The following RARA variants were observed in gnomAD, a reference collection of about 807,000 sequenced individuals.
RARA encodes the protein PML-DDX5-RARA fusion.
Under a neutral mutation model 42.8 loss-of-function variants are expected in RARA, and 5 were observed. The observed-to-expected ratio is 0.12, with a 90% confidence interval of 0.06 to 0.25. RARA has a LOEUF of 0.25. Ranked by LOEUF, RARA falls within the 10% of genes least tolerant of loss-of-function variation. The pLI, the probability that RARA is intolerant of heterozygous loss-of-function variation, is 1.00. For missense variants in RARA, 402 were observed against 628.7 expected (o/e 0.64, Z 3.86); for synonymous variants, 256 against 259.5 (o/e 0.99, Z 0.13).
At chr17:40,348,244 AG>A in intron 2 of RARA, 71 bp from the exon 3 acceptor site, 1 of 1,462,986 alleles carries the variant, frequency 6.8e-7, no homozygotes, top group Non-Finnish European at 9.1e-7. Flanking sequence ...AGGGACGGTG[AG>A]GCAGGGTGGA....
chr17:40,312,982 T>G (rs1411064788), intron 1 of RARA, among the ~76,000 whole-genome samples: 3 of 152,248 alleles, frequency 2.0e-5, no homozygotes, highest in Admixed American at 6.5e-5. Flanking sequence ...TTTTCCCATC[T>G]GCTTTTTTGT....
At chr17:40,347,347 T>C (rs1314028614) in intron 2 of RARA, among the ~76,000 whole-genome samples, 1 of 152,170 alleles carries the variant, frequency 6.6e-6, no homozygotes, top group East Asian at 1.9e-4. Context: ...TCATAGTTCT[T>C]ATCTTGCACC....
chr17:40,338,156 G>T (rs186733142), intron 2 of RARA, among the ~76,000 whole-genome samples: 1 of 152,254 alleles, frequency 6.6e-6, no homozygotes, highest in Non-Finnish European at 1.5e-5. Context: ...CAGGGCCGAG[G>T]TATTGTGTCT....
intron 6 of RARA, among the ~76,000 whole-genome samples, chr17:40,353,702 C>T (rs1016723737): frequency 7.9e-5 from 12 of 152,140 alleles, no homozygotes; most frequent in African/African-American, 2.2e-4. Context: ...GTGATCCTCC[C>T]GCGTGAGCCG....
chr17:40,321,874 C>T (rs1411878675), intron 1 of RARA, among the ~76,000 whole-genome samples: 1 of 152,184 alleles, frequency 6.6e-6, no homozygotes, highest in South Asian at 2.1e-4. Context: ...GGGAAGACTT[C>T]CCCTTCGCCA....
intron 1 of RARA, among the ~76,000 whole-genome samples, chr17:40,321,610 C>G (rs1026806069): frequency 6.6e-6 from 1 of 152,218 alleles, no homozygotes; most frequent in African/African-American, 2.4e-5. Flanking sequence ...CTGTCCATCC[C>G]TCTGGCCAGT....
intron 1 of RARA, among the ~76,000 whole-genome samples, chr17:40,321,565 G>A (rs1430420591): frequency 1.3e-5 from 2 of 152,202 alleles, no homozygotes; most frequent in African/African-American, 2.4e-5. Context: ...CACATCATGA[G>A]GGCCAGGGGC....
chr17:40,313,863 A>AT (rs2033141865), intron 1 of RARA, among the ~76,000 whole-genome samples: 1 of 152,054 alleles, frequency 6.6e-6, no homozygotes, highest in Admixed American at 6.5e-5. Flanking sequence ...TGAGAAATCA[A>AT]TAGTGCAAAT....
chr17:40,354,588 C>A lies in RARA; in HGVS notation c.1012+82C>A. ...TCTCTTCCAGGGAGCTCTTTCAGGC[C>A]ACCTCTGTTAGGTATCTCTAGAGGG... On this transcript the variant is annotated intron_variant, in intron 7 of 8. Transcript: ENST00000254066. This position sits in a 1 kb window ranked among gnomAD's most constrained non-coding sequence, Gnocchi z 4.5. 6.7e-7 allele frequency: 1 copy of A among 1,484,100 alleles called. No individual in the cohort carries two copies. Among genetic ancestry groups the A allele is most frequent in the East Asian group, 2.3e-5 (1 of 42,886 alleles). 91.9% of individuals were successfully genotyped at this position (1,484,100 alleles called of 1,614,324 possible).
intron 1 of RARA, among the ~76,000 whole-genome samples, chr17:40,312,278 A>T (rs2033111113): frequency 6.6e-6 from 1 of 152,230 alleles, no homozygotes; most frequent in Admixed American, 6.5e-5. Flanking sequence ...GGGTAGGGGC[A>T]GCTCTGTGAT....
Position 40,342,749 on chromosome 17 carries a change from C to T in RARA, c.179-5567C>T, listed in dbSNP as rs757880863. 40 of 1,612,394 alleles carry T rather than the reference C, an allele frequency of 2.5e-5. No individual in the cohort carries two copies. The African/African-American group carries it at 4.8e-4, about 19-fold the overall frequency. On this transcript the variant is annotated intron_variant, in intron 2 of 8. Transcript: ENST00000254066. ...TGGGGGGTCCCACCCCTAATCCCTT[C>T]CTAGTGGTGGATTTTTATAACCAGA...
chr17:40,330,960 G>A lies in RARA; in HGVS notation c.-259G>A. 1 of 439,604 alleles carries A rather than the reference G, an allele frequency of 2.3e-6. No homozygotes were observed. The highest frequency in any genetic ancestry group is 4.0e-6 in the Non-Finnish European group (1 of 248,232). 27.2% of individuals were successfully genotyped at this position (439,604 alleles called of 1,614,324 possible). A position where few individuals can be genotyped will look rare whatever the true frequency, so the allele number is the denominator to read the frequency against. On this transcript the variant is annotated 5_prime_UTR_variant, in exon 2 of 9. Transcript: ENST00000254066. ...AGCTCTGGACCTTCCCAGGAAAAGT[G>A]CCAGCTCACAGAACTGCTTGACCAA...
In RARA at chr17:40,331,127, C is replaced by T; in HGVS notation, c.-92C>T. ...GCTGACCACCCAAACCCCATCTGGG[C>T]CCAGGCCCCATGCCCCGAGGAGGGG... On this transcript the variant is annotated 5_prime_UTR_variant, in exon 2 of 9. Transcript: ENST00000254066. The T allele has an allele frequency of 7.1e-7, 1 of 1,417,292 alleles. No homozygotes were observed. The highest frequency in any genetic ancestry group is 9.5e-7 in the Non-Finnish European group (1 of 1,051,670). The allele number at this position is 1,417,292 out of a possible 1,614,324, so 87.8% of individuals were successfully genotyped here.
intron 1 of RARA, among the ~76,000 whole-genome samples, chr17:40,316,378 G>GCATACATGCGTCGGGGATGTA (rs1167364612): frequency 4.3e-4 from 66 of 152,360 alleles, no homozygotes; most frequent in Non-Finnish European, 8.4e-4. Flanking sequence ...GCGTGGATGT[G>GCATACATGCGTCGGGGATGTA]CATACATGCG....
chr17:40,311,767 G>T (rs541309993), intron 1 of RARA, among the ~76,000 whole-genome samples: 24 of 152,270 alleles, frequency 1.6e-4, no homozygotes, highest in Admixed American at 4.6e-4. Flanking sequence ...TCCTTTGTGG[G>T]GAGGGCCTTC....
chr17:40,349,727 C>T (rs1598580241), intron 3 of RARA, 57 bp from the exon 4 acceptor site: 2 of 1,603,304 alleles, frequency 1.2e-6, no homozygotes, highest in Non-Finnish European at 1.7e-6. Flanking sequence ...AGACCGTAGC[C>T]AGGCACTGCT....
intron 2 of RARA, among the ~76,000 whole-genome samples, chr17:40,337,535 C>A (rs1219178746): frequency 6.6e-6 from 1 of 152,112 alleles, no homozygotes; most frequent in Admixed American, 6.5e-5. Context: ...CTGTAGCCCA[C>A]GGGAGTTTGC....
chr17:40,351,376 C>A lies in RARA; in HGVS notation c.470-534C>A. 1 of 421,038 alleles carries A rather than the reference C, an allele frequency of 2.4e-6. No individual in the cohort carries two copies. Among genetic ancestry groups the A allele is most frequent in the Non-Finnish European group, 5.0e-6 (1 of 199,134 alleles). The allele number at this position is 421,038 out of a possible 1,614,324, so 26.1% of individuals were successfully genotyped here. A position where few individuals can be genotyped will look rare whatever the true frequency, so the allele number is the denominator to read the frequency against. On this transcript the variant is annotated intron_variant, in intron 4 of 8. Transcript: ENST00000254066. The surrounding 1 kb of genome is among the most constrained non-coding windows in gnomAD (Gnocchi z 4.1). ...GAGTGGTGTGTGCGGCTCAGCGCCC[C>A]TGGTGATTTGTCAGCTCCCCAGCTA...
At chr17:40,321,848 C>T (rs995404852) in intron 1 of RARA, among the ~76,000 whole-genome samples, 1 of 152,300 alleles carries the variant, frequency 6.6e-6, no homozygotes, top group South Asian at 2.1e-4. Context: ...TATGCCTTTC[C>T]CTTCTGCCGG....
Sources: gnomAD v4.1 joint callset for allele counts (sites outside exome capture counted in the v4.1 genomes callset) on GRCh38, gnomAD v4.1.1 for gene constraint, Gnocchi (gnomAD v3.1) non-coding constraint, MANE v1.5 for transcripts, NCBI Gene and HGNC (gene_info 2026-07-23, HGNC 2026-07-21) for gene names.